Variants in PSME3IP1 observed in about 807,000 individuals in gnomAD.
PSME3IP1 encodes the protein PSME3-interacting protein.
PSME3IP1 carries 13 observed loss-of-function variants against 34.1 expected under a neutral mutation model. The ratio of observed to expected loss-of-function variants is 0.38; its 90% CI spans 0.25 to 0.61. The LOEUF is 0.61. PSME3IP1 is among the 20% of genes least tolerant of loss of function. The pLI is 0.60. For missense variants in PSME3IP1, 237 were observed against 301.4 expected (o/e 0.79, Z 1.58); for synonymous variants, 93 against 114.3 (o/e 0.81, Z 1.19).
chr16:57,177,665 G>C (rs751027864), intron 1 of PSME3IP1, among the ~76,000 whole-genome samples: 3 of 152,176 alleles, frequency 2.0e-5, no homozygotes, highest in Non-Finnish European at 4.4e-5. Flanking sequence ...TGAAAACACA[G>C]TCACACTGTC....
chr16:57,171,875 C>A (rs962563081), intron 4 of PSME3IP1, among the ~76,000 whole-genome samples: 9 of 152,152 alleles, frequency 5.9e-5, no homozygotes, highest in Non-Finnish European at 2.9e-5. Context: ...GCATGCTATA[C>A]CACTAGAGAA....
At chr16:57,155,686 C>G (rs917936196) in intron 6 of PSME3IP1, among the ~76,000 whole-genome samples, 24 of 152,138 alleles carry the variant, frequency 1.6e-4, no homozygotes, top group African/African-American at 5.8e-4. Flanking sequence ...GCCTGTAATC[C>G]CAGTTACTAG....
chr16:57,161,336 G>A (rs550921514), intron 6 of PSME3IP1, among the ~76,000 whole-genome samples: 2 of 152,210 alleles, frequency 1.3e-5, no homozygotes, highest in South Asian at 2.1e-4. Flanking sequence ...TGGAAGAAGA[G>A]AGTCCAGAAA....
At position 57,167,288 on chromosome 16, in the gene PSME3IP1, C is replaced by T. The variant is rs747471537; in HGVS notation, c.349-62G>A. The T allele has an allele frequency of 1.6e-5, 25 of 1,592,082 alleles. No individual in the cohort carries two copies. In the South Asian group the frequency reaches 2.7e-4, roughly 17 times the overall value. ...GAAGACAACAAATATAACCCACTAG[C>T]CCTTCGGCTGTGCGATGTAATGTCT... On this transcript the variant is annotated intron_variant, in intron 4 of 6. Coordinates refer to ENST00000309137, the MANE Select transcript of PSME3IP1 (RefSeq NM_024946.4).
At chr16:57,178,801 A>G (rs2073427337) in intron 1 of PSME3IP1, 1 of 985,392 alleles carries the variant, frequency 1.0e-6, no homozygotes, top group Non-Finnish European at 1.2e-6. Context: ...CTGCGAAAGC[A>G]GTACTTGATG....
chr16:57,157,663 G>C (rs2070722415), intron 6 of PSME3IP1, among the ~76,000 whole-genome samples: 2 of 150,878 alleles, frequency 1.3e-5, no homozygotes, highest in African/African-American at 2.4e-5. Context: ...TGCTGCCCAG[G>C]TTAAACTCCT....
In PSME3IP1 at chr16:57,172,289, G is replaced by A. The variant is rs1454473075; in HGVS notation, c.310C>T (p.Arg104Ter). Residue 104 changes from arginine to a stop codon, truncating the protein, a stop_gained, in exon 4 of 7, where the codon CGA (arginine) becomes TGA (stop). Coordinates refer to ENST00000309137, the MANE Select transcript of PSME3IP1 (RefSeq NM_024946.4). LOFTEE classifies it high-confidence loss of function. ...SRQQELIEKQRREEELKELKE... is the reference protein window; with the variant it reads ...SRQQELIEKQ ...AGTTCTTTCAGTTCTTCTTCTCTTC[G>A]TTGCTTTTCTATTAGTTCCTGCTGT... The A allele has an allele frequency of 3.7e-6, 6 of 1,613,698 alleles. No homozygotes were observed. The highest frequency in any genetic ancestry group is 5.1e-6 in the Non-Finnish European group (6 of 1,179,940).
chr16:57,167,282 C>T, intron 4 of PSME3IP1, 56 bp from the exon 5 acceptor site: 1 of 1,601,984 alleles, frequency 6.2e-7, no homozygotes, highest in Non-Finnish European at 8.6e-7. Context: ...AAATATAACC[C>T]ACTAGCCCTT....
chr16:57,182,521 C>T (rs1396418604), intron 1 of PSME3IP1, among the ~76,000 whole-genome samples: 1 of 139,226 alleles, frequency 7.2e-6, no homozygotes, highest in African/African-American at 2.8e-5. Context: ...AAGGCCAGCC[C>T]GGGCAACATA....
chr16:57,156,643 A>G (rs553398788), intron 6 of PSME3IP1, among the ~76,000 whole-genome samples: 1 of 152,360 alleles, frequency 6.6e-6, no homozygotes, highest in African/African-American at 2.4e-5. Flanking sequence ...AAAAGGCAGG[A>G]GCAAATACTT....
chr16:57,161,315 A>G (rs1407309700), intron 6 of PSME3IP1, among the ~76,000 whole-genome samples: 1 of 152,230 alleles, frequency 6.6e-6, no homozygotes, highest in Non-Finnish European at 1.5e-5. Flanking sequence ...AGATAGACAT[A>G]TATAGCTCAG....
chr16:57,178,779 T>C (rs979439213), intron 1 of PSME3IP1: 2 of 985,494 alleles, frequency 2.0e-6, no homozygotes, highest in South Asian at 4.7e-5. Context: ...TGATTAAAAA[T>C]GGTCACTTAT....
At chr16:57,162,282 T>G (rs2071345066) in intron 6 of PSME3IP1, among the ~76,000 whole-genome samples, 1 of 152,220 alleles carries the variant, frequency 6.6e-6, no homozygotes, top group Non-Finnish European at 1.5e-5. Flanking sequence ...AGACATATAT[T>G]AAGAATTATG....
intron 4 of PSME3IP1, among the ~76,000 whole-genome samples, chr16:57,171,144 G>A (rs2072535338): frequency 6.6e-6 from 1 of 152,072 alleles, no homozygotes; most frequent in African/African-American, 2.4e-5. Context: ...AAAAGGGAGA[G>A]CTGAGCAGAG....
intron 5 of PSME3IP1, 78 bp from the exon 6 acceptor site, chr16:57,164,143 C>A (rs2071584284): frequency 1.6e-5 from 20 of 1,252,576 alleles, no homozygotes; most frequent in African/African-American, 2.9e-5. Context: ...GCTCCAATAA[C>A]TATTTATATG....
intron 4 of PSME3IP1, among the ~76,000 whole-genome samples, chr16:57,169,538 A>G (rs1408652193): frequency 6.6e-6 from 1 of 152,140 alleles, no homozygotes; most frequent in Non-Finnish European, 1.5e-5. Context: ...AGAACTTTCC[A>G]AGTTTCCAGT....
intron 1 of PSME3IP1, among the ~76,000 whole-genome samples, chr16:57,177,199 A>C (rs1422508865): frequency 1.3e-5 from 2 of 152,074 alleles, no homozygotes; most frequent in South Asian, 4.1e-4. Context: ...AATATGCCAA[A>C]AACAACAACA....
At chr16:57,172,183 G>GACAACAT in intron 4 of PSME3IP1, 68 bp downstream of exon 4, 1 of 1,556,484 alleles carries the variant, frequency 6.4e-7, no homozygotes. Flanking sequence ...TTGATGAGGA[G>GACAACAT]ACAACATCCA....
chr16:57,161,509 A>ATTTTT (rs35833252), intron 6 of PSME3IP1, among the ~76,000 whole-genome samples: 1 of 93,698 alleles, frequency 1.1e-5, no homozygotes, highest in African/African-American at 4.1e-5. Flanking sequence ...TAAGATCATA[A>ATTTTT]TTTTTTTTTT....
Sources: gnomAD v4.1 joint callset for allele counts (sites outside exome capture counted in the v4.1 genomes callset) on GRCh38, gnomAD v4.1.1 for gene constraint, MANE v1.5 for transcripts, NCBI Gene and HGNC (gene_info 2026-07-23, HGNC 2026-07-21) for gene names.